Variants in TEX2 observed in about 807,000 individuals in gnomAD.
TEX2 encodes the protein testis expressed 2, also known as testis-expressed protein 2.
A neutral mutation model predicts 106.9 loss-of-function variants in TEX2; 53 were observed. The ratio of observed to expected loss-of-function variants is 0.50; its 90% confidence interval spans 0.40 to 0.62. The LOEUF (loss-of-function observed/expected upper bound fraction) is 0.62, where lower values mean the gene tolerates loss of function less well. TEX2 is among the 20% of genes least tolerant of loss of function. The pLI, the probability that TEX2 is intolerant of heterozygous loss-of-function variation, is 0.00. For missense variants in TEX2, 1,207 were observed against 1,379.0 expected, an observed-to-expected ratio of 0.88 and a Z score of 1.98; for synonymous variants, 523 against 534.8, an observed-to-expected ratio of 0.98 and a Z score of 0.30.
chr17:64,167,002 G>A (rs924702449), intron 7 of TEX2, among the ~76,000 whole-genome samples: 2 of 152,324 alleles, frequency 1.3e-5, no homozygotes, highest in Non-Finnish European at 2.9e-5. Flanking sequence ...GTTCCAGGGT[G>A]TGTGTGGAGT....
intron 1 of TEX2, among the ~76,000 whole-genome samples, chr17:64,239,709 CTACTAAAAA>C (rs781876369): frequency 1.8e-4 from 28 of 151,786 alleles, no homozygotes; most frequent in Non-Finnish European, 3.5e-4. Context: ...AACCCCGTCT[CTACTAAAAA>C]TACAAAAATT....
chr17:64,230,456 G>A (rs1286575034), intron 1 of TEX2, among the ~76,000 whole-genome samples: 1 of 152,230 alleles, frequency 6.6e-6, no homozygotes, highest in Admixed American at 6.5e-5. Context: ...TCCCTGAGGA[G>A]AACCACTTGC....
intron 5 of TEX2, among the ~76,000 whole-genome samples, chr17:64,180,423 G>A (rs1222468327): frequency 6.6e-6 from 1 of 152,194 alleles, no homozygotes; most frequent in Non-Finnish European, 1.5e-5. Context: ...TTTTTCAACA[G>A]TTCCTTTTTC....
chr17:64,248,219 A>G (rs186188864), intron 1 of TEX2, among the ~76,000 whole-genome samples: 40 of 152,372 alleles, frequency 2.6e-4, no homozygotes, highest in African/African-American at 9.6e-4. Flanking sequence ...ATAAGAAATA[A>G]TCAAAGAACA....
intron 1 of TEX2, among the ~76,000 whole-genome samples, chr17:64,233,911 C>T (rs1177999562): frequency 6.6e-6 from 1 of 152,154 alleles, no homozygotes; most frequent in African/African-American, 2.4e-5. Context: ...TACTGTTTGC[C>T]CTTGAGTTGT....
chr17:64,201,968 T>C (rs2032678156), intron 2 of TEX2, among the ~76,000 whole-genome samples: 1 of 152,146 alleles, frequency 6.6e-6, no homozygotes, highest in African/African-American at 2.4e-5. Context: ...TCACAGCTTA[T>C]AAGTACAGTG....
intron 5 of TEX2, among the ~76,000 whole-genome samples, chr17:64,186,468 T>G (rs958467708): frequency 6.6e-6 from 1 of 152,170 alleles, no homozygotes; most frequent in Non-Finnish European, 1.5e-5. Context: ...GATCAACGGA[T>G]CAAGAGCAAT....
intron 7 of TEX2, among the ~76,000 whole-genome samples, chr17:64,161,426 G>A (rs1762925576): frequency 6.6e-6 from 1 of 152,170 alleles, no homozygotes; most frequent in African/African-American, 2.4e-5. Flanking sequence ...CCAGTATTGG[G>A]AGTGGGACAC....
At chr17:64,196,982 A>ATTTTTTT (rs59960456) in intron 2 of TEX2, among the ~76,000 whole-genome samples, 2,220 of 63,516 alleles carry the variant, frequency 0.035, 263 homozygotes, top group Middle Eastern at 0.1. Flanking sequence ...TCAAATCAAG[A>ATTTTTTT]TTTTTTTTTT....
intron 7 of TEX2, among the ~76,000 whole-genome samples, chr17:64,162,080 A>G (rs182630894): frequency 1.3e-5 from 2 of 152,278 alleles, no homozygotes; most frequent in Non-Finnish European, 1.5e-5. Context: ...TCTTTTTACC[A>G]TAATGGAAGG....
At chr17:64,198,158 TA>T (rs111769933) in intron 2 of TEX2, among the ~76,000 whole-genome samples, 4 of 151,618 alleles carry the variant, frequency 2.6e-5, no homozygotes, top group Admixed American at 1.3e-4. Flanking sequence ...CAAGTGCAGT[TA>T]AAAAAAATGC....
chr17:64,237,038 A>G (rs1260157301), intron 1 of TEX2, among the ~76,000 whole-genome samples: 1 of 152,204 alleles, frequency 6.6e-6, no homozygotes, highest in Non-Finnish European at 1.5e-5. Flanking sequence ...CACATAATCA[A>G]TGCAAGAACT....
At chr17:64,256,877 C>T (rs187377121) in intron 1 of TEX2, among the ~76,000 whole-genome samples, 46 of 152,238 alleles carry the variant, frequency 3.0e-4, no homozygotes, top group African/African-American at 9.4e-4. Context: ...TATAAGAATA[C>T]AGCCCAAAAG....
At chr17:64,180,670 A>G (rs910804828) in intron 5 of TEX2, among the ~76,000 whole-genome samples, 2 of 152,270 alleles carry the variant, frequency 1.3e-5, no homozygotes, top group Non-Finnish European at 2.9e-5. Context: ...CGCTGTCTCA[A>G]CTGTATAAAC....
intron 2 of TEX2, among the ~76,000 whole-genome samples, chr17:64,206,011 GC>G (rs1250163858): frequency 6.6e-6 from 1 of 152,174 alleles, no homozygotes; most frequent in Non-Finnish European, 1.5e-5. Context: ...TCTTCAGGAA[GC>G]TTTTCATTAT....
At chr17:64,174,044 A>T (rs1385312019) in intron 6 of TEX2, among the ~76,000 whole-genome samples, 2 of 151,644 alleles carry the variant, frequency 1.3e-5, no homozygotes, top group Non-Finnish European at 2.9e-5. Context: ...ACAGGGTCTT[A>T]CTATGTTGCC....
chr17:64,171,920 C>T (rs939714177), intron 6 of TEX2, among the ~76,000 whole-genome samples: 9 of 149,010 alleles, frequency 6.0e-5, no homozygotes, highest in African/African-American at 1.2e-4. Context: ...GCAGAGGTTG[C>T]GGTGAGCTGA....
In TEX2 at chr17:64,171,082, T is replaced by C; in HGVS notation, c.2671+18A>G. The C allele has an allele frequency of 1.3e-6, 2 of 1,595,432 alleles. No homozygotes were observed. The highest frequency in any genetic ancestry group is 1.7e-6 in the Non-Finnish European group (2 of 1,163,020). ...AGGATATATTTTAACACTCATAGAATGGTCAGTTAGGAGTTACCTTGGTGA... is the reference window on the plus strand; with the variant it reads ...AGGATATATTTTAACACTCATAGAACGGTCAGTTAGGAGTTACCTTGGTGA... On this transcript the variant is annotated intron_variant, in intron 7 of 11. Coordinates refer to ENST00000584379, the MANE Select transcript of TEX2 (RefSeq NM_001288732.2).
chr17:64,215,762 A>G (rs940744), intron 1 of TEX2, among the ~76,000 whole-genome samples: 125,298 of 152,176 alleles, frequency 0.82, 51,771 homozygotes, highest in Middle Eastern at 0.91. Context: ...GTAATCTACC[A>G]CAATCGACAT....
Sources: gnomAD v4.1 joint callset for allele counts (sites outside exome capture counted in the v4.1 genomes callset) on GRCh38, gnomAD v4.1.1 for gene constraint, MANE v1.5 for transcripts, NCBI Gene and HGNC (gene_info 2026-07-23, HGNC 2026-07-21) for gene names.